ABCA13: variants seen among roughly 807,000 people sequenced by gnomAD.
The protein encoded by ABCA13 is ATP-binding cassette sub-family A member 13.
In ABCA13, 476 loss-of-function variants were observed where a neutral mutation model predicts 478.7. The observed-to-expected ratio is 0.99, with a 90% CI of 0.92 to 1.07. The LOEUF (loss-of-function observed/expected upper bound fraction) is 1.07. ABCA13 is among the 50% of genes least tolerant of loss of function. The pLI is 0.00. For missense variants in ABCA13, 6,060 were observed against 5,910.6 expected (o/e 1.03, Z -0.83); for synonymous variants, 2,252 against 2,158.9 (o/e 1.04, Z -1.20).
chr7:48,384,677 T>A (rs190973835), intron 35 of ABCA13, among the ~76,000 whole-genome samples: 1 of 152,190 alleles, frequency 6.6e-6, no homozygotes, highest in South Asian at 2.1e-4. Flanking sequence ...GCAAGGTTCT[T>A]GGAGGACACC....
At chr7:48,243,464 A>G (rs1791176471) in intron 10 of ABCA13, among the ~76,000 whole-genome samples, 1 of 152,218 alleles carries the variant, frequency 6.6e-6, no homozygotes, top group Non-Finnish European at 1.5e-5. Flanking sequence ...ATGAGGTGTC[A>G]GGAGTCTGGT....
intron 45 of ABCA13, among the ~76,000 whole-genome samples, chr7:48,477,380 C>G (rs912031519): frequency 4.6e-5 from 7 of 152,026 alleles, no homozygotes; most frequent in Admixed American, 2.0e-4. Flanking sequence ...GCCAGCCATC[C>G]CATTACTAGG....
chr7:48,400,106 C>T (rs1420549743), intron 38 of ABCA13, among the ~76,000 whole-genome samples: 1 of 151,956 alleles, frequency 6.6e-6, no homozygotes, highest in Non-Finnish European at 1.5e-5. Context: ...TCTCACTACC[C>T]ATCTGACTGA....
intron 29 of ABCA13, among the ~76,000 whole-genome samples, chr7:48,343,131 T>A (rs182268868): frequency 1.3e-5 from 2 of 152,178 alleles, no homozygotes; most frequent in East Asian, 3.9e-4. Context: ...TCTTGTCTTG[T>A]CTCCAGGAAT....
chr7:48,480,264 C>T (rs1828621618), intron 45 of ABCA13, among the ~76,000 whole-genome samples: 1 of 152,198 alleles, frequency 6.6e-6, no homozygotes, highest in Non-Finnish European at 1.5e-5. Context: ...GAGACTTTCT[C>T]TTTCATTCTC....
At chr7:48,242,498 C>T (rs943029155) in intron 10 of ABCA13, among the ~76,000 whole-genome samples, 4 of 152,054 alleles carry the variant, frequency 2.6e-5, no homozygotes, top group South Asian at 2.1e-4. Flanking sequence ...AGTGCAATGG[C>T]GCGATCTTGG....
chr7:48,477,878 C>T (rs1452860416), intron 45 of ABCA13, among the ~76,000 whole-genome samples: 4 of 151,698 alleles, frequency 2.6e-5, no homozygotes, highest in Non-Finnish European at 4.4e-5. Context: ...TACCCTAAAA[C>T]TTAAAGTATA....
intron 60 of ABCA13, 64 bp from the exon 61 acceptor site, chr7:48,644,553 T>C: frequency 1.3e-6 from 2 of 1,501,140 alleles, no homozygotes; most frequent in African/African-American, 1.4e-5. Context: ...AAATGTAGTA[T>C]GATCAATTTT....
intron 59 of ABCA13, among the ~76,000 whole-genome samples, chr7:48,617,498 G>A (rs1792697599): frequency 6.6e-6 from 1 of 152,182 alleles, no homozygotes; most frequent in South Asian, 2.1e-4. Context: ...GAGGGTCCCA[G>A]GCTTGGGCTG....
At chr7:48,340,404 C>T (rs1349966995) in intron 29 of ABCA13, among the ~76,000 whole-genome samples, 1 of 152,130 alleles carries the variant, frequency 6.6e-6, no homozygotes, top group African/African-American at 2.4e-5. Flanking sequence ...CTGCGCCTGG[C>T]CTCATTATAT....
chr7:48,582,000 T>C (rs1346989104), intron 56 of ABCA13, among the ~76,000 whole-genome samples: 3 of 152,234 alleles, frequency 2.0e-5, no homozygotes. Flanking sequence ...GTTTTATCTT[T>C]CAGTATTTAT....
At chr7:48,220,734 T>A (rs886410595) in intron 4 of ABCA13, among the ~76,000 whole-genome samples, 3 of 152,192 alleles carry the variant, frequency 2.0e-5, no homozygotes, top group African/African-American at 7.2e-5. Flanking sequence ...TTGGGGTCAT[T>A]CTACTTTTAT....
At chr7:48,482,385 A>T (rs1019035732) in intron 46 of ABCA13, among the ~76,000 whole-genome samples, 3 of 148,268 alleles carry the variant, frequency 2.0e-5, no homozygotes, top group Non-Finnish European at 4.5e-5. Context: ...CTATTAAGAA[A>T]TTTTTTTTTT....
intron 48 of ABCA13, among the ~76,000 whole-genome samples, chr7:48,505,471 A>T (rs940943486): frequency 3.3e-5 from 5 of 152,202 alleles, no homozygotes; most frequent in Non-Finnish European, 7.3e-5. Flanking sequence ...TAAAATACAG[A>T]TGATAGGGTA....
At chr7:48,541,819 G>C (rs1306860820) in intron 55 of ABCA13, among the ~76,000 whole-genome samples, 7 of 150,096 alleles carry the variant, frequency 4.7e-5, no homozygotes, top group Admixed American at 4.0e-4. Flanking sequence ...ACAGATAACA[G>C]AGCAGGCACA....
At chr7:48,246,501 G>A (rs1791704645) in intron 13 of ABCA13, among the ~76,000 whole-genome samples, 1 of 152,136 alleles carries the variant, frequency 6.6e-6, no homozygotes. Context: ...GATTTGTTTG[G>A]AAAGATTATT....
chr7:48,185,354 C>G (rs367552087), intron 1 of ABCA13, among the ~76,000 whole-genome samples: 3 of 152,196 alleles, frequency 2.0e-5, no homozygotes, highest in African/African-American at 4.8e-5. Flanking sequence ...TTATTTCAAC[C>G]TGTTGATGAA....
intron 29 of ABCA13, among the ~76,000 whole-genome samples, chr7:48,347,465 G>T (rs1228392086): frequency 1.3e-5 from 2 of 152,212 alleles, no homozygotes; most frequent in Non-Finnish European, 2.9e-5. Context: ...CAGTATGCTG[G>T]AGTCACCAGC....
chr7:48,536,416 G>A (rs948991452), intron 55 of ABCA13, among the ~76,000 whole-genome samples: 1 of 152,160 alleles, frequency 6.6e-6, no homozygotes, highest in Non-Finnish European at 1.5e-5. Context: ...GGGAGGCCGA[G>A]GTGGGAGGAT....
Sources: gnomAD v4.1 joint callset for allele counts (sites outside exome capture counted in the v4.1 genomes callset) on GRCh38, gnomAD v4.1.1 for gene constraint, MANE v1.5 for transcripts, NCBI Gene and HGNC (gene_info 2026-07-23, HGNC 2026-07-21) for gene names.